The following SLC1A7 variants were observed in gnomAD, a reference collection of about 807,000 sequenced individuals.
The protein encoded by SLC1A7 is solute carrier family 1 member 7.
A neutral mutation model predicts 47.7 loss-of-function variants in SLC1A7; 40 were observed. The ratio of observed to expected loss-of-function variants is 0.84; its 90% CI spans 0.65 to 1.09. The LOEUF (loss-of-function observed/expected upper bound fraction) is 1.09, where lower values mean the gene tolerates loss of function less well. SLC1A7 is among the 50% of genes least tolerant of loss of function. The pLI is 0.00. For missense variants in SLC1A7, 746 were observed against 769.5 expected, an observed-to-expected ratio of 0.97 and a Z score of 0.36; for synonymous variants, 323 against 325.6, an observed-to-expected ratio of 0.99 and a Z score of 0.09.
In SLC1A7 at chr1:53,106,798, T is replaced by C. The variant is rs552431393; in HGVS notation, c.432-1024A>G. 3.9e-5 allele frequency among the ~76,000 whole-genome samples: 6 copies of C among 151,980 alleles called. 1 individual carries two copies. The South Asian group carries it at 1.2e-3, about 32-fold the overall frequency. Reference sequence around the variant, plus strand: ...CAGCTGACCAACGGTTTGGAAAAAATAGATGTTAGATGCTTACACCAAAAT... The same window carrying C: ...CAGCTGACCAACGGTTTGGAAAAAACAGATGTTAGATGCTTACACCAAAAT... On this transcript the variant is annotated intron_variant, in intron 3 of 10. Transcript: ENST00000371494.
chr1:53,136,431 G>T (rs1211733022), intron 1 of SLC1A7, among the ~76,000 whole-genome samples: 1 of 147,264 alleles, frequency 6.8e-6, no homozygotes, highest in Non-Finnish European at 1.5e-5. Context: ...TGACCTTGTT[G>T]ATCCGCCCGC....
At chr1:53,137,581 C>T (rs530814779) in intron 1 of SLC1A7, among the ~76,000 whole-genome samples, 8 of 152,110 alleles carry the variant, frequency 5.3e-5, no homozygotes, top group African/African-American at 1.2e-4. Flanking sequence ...ATGTTTTGAT[C>T]GCCAAACAGT....
chr1:53,092,711 T>C lies in SLC1A7; in HGVS notation c.874A>G (p.Lys292Glu). 1 of 1,614,102 alleles carries C rather than the reference T, an allele frequency of 6.2e-7. No homozygotes were observed. Among genetic ancestry groups the C allele is most frequent in the Non-Finnish European group, 8.5e-7 (1 of 1,180,002 alleles). ...EMDDPRAVGK[K>E]LGFYSVTVVC... ...ACGGTGACTGAGTAGAAGCCCAGCTTCTTGCCGACGGCCCTGGGGTCGTCC... is the reference window on the plus strand; with the variant it reads ...ACGGTGACTGAGTAGAAGCCCAGCTCCTTGCCGACGGCCCTGGGGTCGTCC... The change falls in exon 7 of 11, where the codon AAG (lysine) becomes GAG (glutamate). Residue 292 changes from lysine (K) to glutamate (E), a missense_variant. Physicochemically the swap from Lys to Glu is moderately conservative, Grantham distance 56. Transcript: ENST00000371494.
At chr1:53,137,582 G>A (rs899488278) in intron 1 of SLC1A7, among the ~76,000 whole-genome samples, 3 of 151,832 alleles carry the variant, frequency 2.0e-5, no homozygotes, top group Admixed American at 6.6e-5. Flanking sequence ...TGTTTTGATC[G>A]CCAAACAGTG....
At chr1:53,131,885 A>G (rs1316533079) in intron 2 of SLC1A7, among the ~76,000 whole-genome samples, 1 of 152,218 alleles carries the variant, frequency 6.6e-6, no homozygotes, top group Non-Finnish European at 1.5e-5. Context: ...GGAACAGGGT[A>G]CAGTAAGGGA....
At chr1:53,115,375 AGGACC>A in intron 2 of SLC1A7, 1 of 219,624 alleles carries the variant, frequency 4.6e-6, no homozygotes, top group Admixed American at 5.2e-5. Context: ...CCAGCCAGGC[AGGACC>A]AAGCTTGGTC....
In SLC1A7 at chr1:53,114,916, G is replaced by A. The variant is rs776184320; in HGVS notation, c.273C>T (p.Leu91=). 4 of 1,614,084 alleles carry A rather than the reference G, an allele frequency of 2.5e-6. No homozygotes were observed. The highest frequency in any genetic ancestry group is 2.2e-5 in the East Asian group (1 of 44,884). ...DAKTSSRLGV[L]TVAYYLWTTF... is the part of the protein sequence containing the mutation. ...TGGTCCACAGGTAGTACGCCACGGT[G>A]AGGACGCCCAGGCGGCTAGAGGTCT... The change falls in exon 3 of 11, where the codon CTC becomes CTT. Residue 91 remains leucine (L), a synonymous_variant. Coordinates refer to ENST00000371494, the MANE Select transcript of SLC1A7 (RefSeq NM_006671.6).
chr1:53,119,198 C>T (rs7541073), intron 2 of SLC1A7, among the ~76,000 whole-genome samples: 4,511 of 152,104 alleles, frequency 0.03, 190 homozygotes, highest in African/African-American at 0.094. Context: ...CTGGCCAGGC[C>T]CTCCAGTTGG....
chr1:53,101,369 C>G (rs1334959138), intron 5 of SLC1A7, among the ~76,000 whole-genome samples: 1 of 147,770 alleles, frequency 6.8e-6, no homozygotes, highest in African/African-American at 2.5e-5. Context: ...CTTTGGTACA[C>G]TCACACACAC....
intron 4 of SLC1A7, among the ~76,000 whole-genome samples, chr1:53,104,271 A>C (rs1644615267): frequency 6.6e-6 from 1 of 152,178 alleles, no homozygotes; most frequent in South Asian, 2.1e-4. Flanking sequence ...CATGAAATGA[A>C]ATGAGACGAT....
chr1:53,134,262 C>T (rs893310711), intron 2 of SLC1A7, 88 bp downstream of exon 2: 4 of 939,106 alleles, frequency 4.3e-6, no homozygotes, highest in Non-Finnish European at 6.6e-6. Context: ...GGTTGCTCTC[C>T]AGCCACCCAC....
At chr1:53,110,439 G>A (rs947717703) in intron 3 of SLC1A7, among the ~76,000 whole-genome samples, 5 of 152,156 alleles carry the variant, frequency 3.3e-5, no homozygotes, top group African/African-American at 9.7e-5. Context: ...GAGAGCGGGT[G>A]GGGTAGGGCT....
At chr1:53,100,671 A>C (rs1572311044) in intron 5 of SLC1A7, among the ~76,000 whole-genome samples, 2 of 101,996 alleles carry the variant, frequency 2.0e-5, no homozygotes, top group African/African-American at 4.0e-5. Context: ...CACTCACACG[A>C]CTTGCCTCGG....
chr1:53,140,567 G>A (rs1645047346), intron 1 of SLC1A7, among the ~76,000 whole-genome samples: 1 of 152,168 alleles, frequency 6.6e-6, no homozygotes, highest in Non-Finnish European at 1.5e-5. Flanking sequence ...CCAGCAGCGG[G>A]GTTACAGTTA....
intron 6 of SLC1A7, among the ~76,000 whole-genome samples, chr1:53,093,227 G>C (rs1378656778): frequency 6.6e-6 from 1 of 152,246 alleles, no homozygotes; most frequent in African/African-American, 2.4e-5. Flanking sequence ...CAGGAGAGCA[G>C]CAGAGCCGGG....
rs753625746 is a variant in SLC1A7, at chr1:53,088,101, C to G, written c.1591G>C (p.Val531Leu). Reference protein sequence around the residue: ...LTLGPTCPHHVPVQVEQDEEL... With the variant: ...LTLGPTCPHHLPVQVEQDEEL... ...TCATCCTGCTCCACTTGAACGGGGACGTGGTGGGGGCAGGTGGGGCCCAGG... is the reference window on the plus strand; with the variant it reads ...TCATCCTGCTCCACTTGAACGGGGAGGTGGTGGGGGCAGGTGGGGCCCAGG... Residue 531 changes from valine to leucine, a missense_variant, in exon 11 of 11, where the codon GTC (valine) becomes CTC (leucine). Val to Leu is a conservative substitution (Grantham distance 32). Transcript: ENST00000371494. 11 of 1,611,862 alleles carry G rather than the reference C, an allele frequency of 6.8e-6. No individual in the cohort carries two copies. The highest frequency in any genetic ancestry group is 9.3e-6 in the Non-Finnish European group (11 of 1,178,734).
chr1:53,096,885 C>G (rs576281347), intron 5 of SLC1A7, among the ~76,000 whole-genome samples: 1 of 151,012 alleles, frequency 6.6e-6, no homozygotes, highest in African/African-American at 2.4e-5. Flanking sequence ...TACACTCACA[C>G]GACCTGCCTC....
chr1:53,104,270 A>T (rs1644615241), intron 4 of SLC1A7, among the ~76,000 whole-genome samples: 1 of 152,206 alleles, frequency 6.6e-6, no homozygotes, highest in Admixed American at 6.5e-5. Context: ...GCATGAAATG[A>T]AATGAGACGA....
chr1:53,096,830 C>T (rs1423434433), intron 5 of SLC1A7, among the ~76,000 whole-genome samples: 5 of 150,616 alleles, frequency 3.3e-5, no homozygotes, highest in Non-Finnish European at 7.4e-5. Flanking sequence ...GATACCACCT[C>T]AGAACACTCA....
Sources: allele counts gnomAD v4.1 joint callset (sites outside exome capture counted in the v4.1 genomes callset), GRCh38; gene constraint gnomAD v4.1.1; transcripts MANE v1.5; gene names NCBI Gene and HGNC (gene_info 2026-07-23, HGNC 2026-07-21).